The following SIRPG variants were observed in gnomAD, a reference collection of about 807,000 sequenced individuals.
SIRPG encodes the protein signal regulatory protein gamma, also known as signal-regulatory protein gamma.
Under a neutral mutation model 35.7 loss-of-function variants are expected in SIRPG, and 38 were observed. The ratio of observed to expected loss-of-function variants is 1.06; its 90% CI spans 0.82 to 1.40. The LOEUF is 1.40. Ranked by LOEUF, SIRPG falls within the 40% of genes most tolerant of loss-of-function variation. SIRPG has a pLI of 0.00. For missense variants in SIRPG, 519 were observed against 483.0 expected (o/e 1.07, Z -0.70); for synonymous variants, 215 against 190.4 (o/e 1.13, Z -1.06).
At chr20:1,645,806 C>A (rs1222237537) in intron 2 of SIRPG, among the ~76,000 whole-genome samples, 1 of 152,182 alleles carries the variant, frequency 6.6e-6, no homozygotes, top group East Asian at 1.9e-4. Context: ...AGTGATAAAC[C>A]AAACACCTCC....
the SIRPG span, among the ~76,000 whole-genome samples, chr20:1,682,356 G>A: frequency 5.9e-5 from 9 of 152,098 alleles, no homozygotes; most frequent in Admixed American, 2.0e-4. Context: ...AGGATGGGTC[G>A]ATATTCAGCA....
intron 1 of SIRPG, among the ~76,000 whole-genome samples, chr20:1,654,736 A>G (rs1307808931): frequency 5.3e-5 from 8 of 152,240 alleles, no homozygotes; most frequent in Admixed American, 3.3e-4. Context: ...CAATCAACAG[A>G]GTGAAGAGAC....
At chr20:1,654,374 C>T (rs769974751) in intron 1 of SIRPG, among the ~76,000 whole-genome samples, 1 of 152,122 alleles carries the variant, frequency 6.6e-6, no homozygotes, top group Admixed American at 6.6e-5. Flanking sequence ...GAGCAGAGAG[C>T]CCAGCAATAA....
At chr20:1,639,180 C>T (rs6135481) in intron 2 of SIRPG, among the ~76,000 whole-genome samples, 1 of 151,952 alleles carries the variant, frequency 6.6e-6, no homozygotes, top group Non-Finnish European at 1.5e-5. Flanking sequence ...GTTCTTGATC[C>T]TTAAGGAGTC....
chr20:1,630,171 C>T, intron 5 of SIRPG, 51 bp downstream of exon 5: 1 of 1,397,896 alleles, frequency 7.2e-7, no homozygotes, highest in Non-Finnish European at 9.9e-7. Context: ...TTCCTGTTGG[C>T]CTTGCCCTTC....
chr20:1,667,163 C>T, the SIRPG span, among the ~76,000 whole-genome samples: 14 of 152,304 alleles, frequency 9.2e-5, no homozygotes, highest in East Asian at 2.3e-3. Context: ...TCTCAAAGTG[C>T]TGGGATTACA....
chr20:1,671,475 G>T, the SIRPG span, among the ~76,000 whole-genome samples: 2 of 152,168 alleles, frequency 1.3e-5, no homozygotes. Context: ...TGTATGGACT[G>T]GTCCTAGCCT....
chr20:1,684,861 TAGAGTTAAGTAG>T, the SIRPG span, among the ~76,000 whole-genome samples: 1 of 110,156 alleles, frequency 9.1e-6, no homozygotes, highest in Non-Finnish European at 1.8e-5. Flanking sequence ...TGAGGATTAG[TAGAGTTAAGTAG>T]AGTTAAAATA....
rs538914057 is a variant in SIRPG at position 1,640,933 on chromosome 20, C to T, written c.431-4428G>A. ...CATTTCTTGATTTGCGTATGTTGAA[C>T]AAGCCTTGCATGCCAGGGATGAAGC... On this transcript the variant is annotated intron_variant, in intron 2 of 5. Transcript: ENST00000303415. 7.9e-5 allele frequency among the ~76,000 whole-genome samples: 12 copies of T among 152,290 alleles called. No homozygotes were observed. The East Asian group carries it at 2.3e-3, about 29-fold the overall frequency.
intron 2 of SIRPG, chr20:1,647,891 T>C (rs947652904): frequency 3.3e-5 from 5 of 152,220 alleles, no homozygotes; most frequent in African/African-American, 1.2e-4. Flanking sequence ...TGGTTCTGTT[T>C]GAGGAGCTTT....
chr20:1,683,180 A>G, the SIRPG span, among the ~76,000 whole-genome samples: 1 of 152,250 alleles, frequency 6.6e-6, no homozygotes, highest in South Asian at 2.1e-4. Flanking sequence ...AGAAATGCAA[A>G]TTAAATCCAT....
chr20:1,681,474 GATC>G, the SIRPG span, among the ~76,000 whole-genome samples: 1 of 152,138 alleles, frequency 6.6e-6, no homozygotes, highest in Non-Finnish European at 1.5e-5. Flanking sequence ...TGGATATAAT[GATC>G]ATCCAAAGTA....
Position 1,635,009 on chromosome 20 carries a change from C to G in SIRPG, c.1081+258G>C, listed in dbSNP as rs146994227. Among the ~76,000 whole-genome samples, 961 of 151,308 alleles carry G rather than the reference C, an allele frequency of 6.4e-3. 12 individuals are homozygous for G. Among genetic ancestry groups the G allele is most frequent in the African/African-American group, 0.023 (928 of 41,150 alleles). Reference sequence around the variant, plus strand: ...GGTGAGCAGAGATCGCGCCACTGCACTCCAGTCTGGGCGACAGAGCCAGAC... The same window carrying G: ...GGTGAGCAGAGATCGCGCCACTGCAGTCCAGTCTGGGCGACAGAGCCAGAC... On this transcript the variant is annotated intron_variant, in intron 4 of 5. Coordinates refer to ENST00000303415, the MANE Select transcript of SIRPG (RefSeq NM_018556.4).
At chr20:1,678,328 A>G in the SIRPG span, among the ~76,000 whole-genome samples, 893 of 152,364 alleles carry the variant, frequency 5.9e-3, 19 homozygotes, top group African/African-American at 0.02. Flanking sequence ...ACAATAGACA[A>G]ACAACTAAAA....
intron 4 of SIRPG, among the ~76,000 whole-genome samples, chr20:1,634,504 G>T (rs1487703204): frequency 2.6e-5 from 4 of 152,082 alleles, no homozygotes; most frequent in South Asian, 4.1e-4. Context: ...GCCAGGCCTG[G>T]TACAGTTTTA....
chr20:1,644,467 T>G (rs767890888), intron 2 of SIRPG, among the ~76,000 whole-genome samples: 2 of 152,212 alleles, frequency 1.3e-5, no homozygotes, highest in African/African-American at 4.8e-5. Flanking sequence ...CCACCTTTCC[T>G]TTGCCCTGGG....
the SIRPG span, among the ~76,000 whole-genome samples, chr20:1,676,331 C>A: frequency 6.6e-6 from 1 of 152,192 alleles, no homozygotes; most frequent in Admixed American, 6.5e-5. Flanking sequence ...AACACATGTA[C>A]AAGGTCACCC....
At chr20:1,673,208 C>G in the SIRPG span, among the ~76,000 whole-genome samples, 1 of 152,176 alleles carries the variant, frequency 6.6e-6, no homozygotes, top group African/African-American at 2.4e-5. Context: ...CAAGATACCA[C>G]CAGCATGGCG....
intron 4 of SIRPG, among the ~76,000 whole-genome samples, chr20:1,631,159 G>T (rs537330950): frequency 1.3e-5 from 2 of 152,302 alleles, no homozygotes. Flanking sequence ...GGCCATTAAA[G>T]ATATTACAGT....
Sources: allele counts gnomAD v4.1 joint callset (sites outside exome capture counted in the v4.1 genomes callset), GRCh38; gene constraint gnomAD v4.1.1; transcripts MANE v1.5; gene names NCBI Gene and HGNC (gene_info 2026-07-23, HGNC 2026-07-21).